The following SLF2 variants were observed in gnomAD, a reference collection of about 807,000 sequenced individuals.
SLF2 encodes SMC5-SMC6 complex localization factor protein 2.
In SLF2, 68 loss-of-function variants were observed where a neutral mutation model predicts 124.3. The observed-to-expected ratio is 0.55, with a 90% CI of 0.45 to 0.67. The LOEUF (loss-of-function observed/expected upper bound fraction) is 0.67. SLF2 is among the 30% of genes least tolerant of loss of function. The pLI, the probability that SLF2 is intolerant of heterozygous loss-of-function variation, is 0.00. For synonymous variants in SLF2, 480 were observed against 478.8 expected, an observed-to-expected ratio of 1.00 and a Z score of -0.03; for missense variants, 1,246 against 1,373.7, an observed-to-expected ratio of 0.91 and a Z score of 1.47.
chr10:100,942,844 G>A (rs1850008266), intron 11 of SLF2, among the ~76,000 whole-genome samples: 2 of 152,164 alleles, frequency 1.3e-5, no homozygotes, highest in African/African-American at 4.8e-5. Context: ...GCCCAGGCTA[G>A]TCTTGATCTC....
Position 100,913,036 on chromosome 10 carries a change from C to T in SLF2, c.-75C>T. On this transcript the variant is annotated 5_prime_UTR_variant, in exon 1 of 20. Transcript: ENST00000238961. ...CTCTGCTCCGACAGCCTCCCGGAGT[C>T]CCAGCAGCAAGACGGCAACCACGCA... 3 of 1,538,408 alleles carry T rather than the reference C, an allele frequency of 2.0e-6. No individual in the cohort carries two copies. The highest frequency in any genetic ancestry group is 2.7e-6 in the Non-Finnish European group (3 of 1,129,596).
At position 100,917,118 on chromosome 10, in the gene SLF2, A is replaced by G; in HGVS notation, c.733A>G (p.Arg245Gly). The change falls in exon 3 of 20, where the codon AGA becomes GGA. Residue 245 changes from arginine to glycine, a missense_variant. By Grantham distance (125) the Arg-to-Gly change is moderately radical. Coordinates refer to ENST00000238961, the MANE Select transcript of SLF2 (RefSeq NM_018121.4). ...CCAGTTGTCACTAGCTTCTTACTGCAGAGAACGAGAACTAAAGAGGTTGAG... is the reference window on the plus strand; with the variant it reads ...CCAGTTGTCACTAGCTTCTTACTGCGGAGAACGAGAACTAAAGAGGTTGAG... ...KFQLSLASYCRERELKRLRKE... is the reference protein window; with the variant it reads ...KFQLSLASYCGERELKRLRKE... The G allele has an allele frequency of 6.2e-7, 1 of 1,614,240 alleles. No homozygotes were observed. The highest frequency in any genetic ancestry group is 8.5e-7 in the Non-Finnish European group (1 of 1,180,040).
intron 5 of SLF2, among the ~76,000 whole-genome samples, chr10:100,925,465 C>T (rs954817626): frequency 6.6e-6 from 1 of 152,114 alleles, no homozygotes; most frequent in Non-Finnish European, 1.5e-5. Flanking sequence ...CTTTGGAGAC[C>T]ACATCTGTAA....
intron 17 of SLF2, among the ~76,000 whole-genome samples, chr10:100,951,443 T>G (rs1850212268): frequency 6.6e-6 from 1 of 152,180 alleles, no homozygotes; most frequent in Non-Finnish European, 1.5e-5. Context: ...ACAGGAGAAC[T>G]GCTACCATCT....
intron 9 of SLF2, 53 bp from the exon 10 acceptor site, chr10:100,937,349 A>G (rs1849884398): frequency 2.2e-6 from 3 of 1,365,088 alleles, no homozygotes; most frequent in Admixed American, 1.7e-5. Context: ...CAAATAATGA[A>G]TGTTTGTGTT....
At chr10:100,940,582 G>T (rs1445357735) in intron 11 of SLF2, among the ~76,000 whole-genome samples, 1 of 150,632 alleles carries the variant, frequency 6.6e-6, no homozygotes, top group African/African-American at 2.4e-5. Flanking sequence ...GGCTGGTCTC[G>T]AACCCCTGAG....
chr10:100,922,418 A>C (rs1000337335), intron 4 of SLF2, among the ~76,000 whole-genome samples: 3 of 152,186 alleles, frequency 2.0e-5, no homozygotes, highest in Non-Finnish European at 4.4e-5. Context: ...TACTTTTCGC[A>C]GAGGCAGGGT....
Position 100,917,020 on chromosome 10 carries a change from G to T in SLF2, c.635G>T (p.Ser212Ile). The T allele has an allele frequency of 6.2e-7, 1 of 1,614,152 alleles. No individual in the cohort carries two copies. The highest frequency in any genetic ancestry group is 1.1e-5 in the South Asian group (1 of 91,082). Residue 212 changes from serine to isoleucine, a missense_variant, in exon 3 of 20, where the codon AGC becomes ATC. Physicochemically the swap from Ser to Ile is moderately radical, Grantham distance 142. Coordinates refer to ENST00000238961, the MANE Select transcript of SLF2 (RefSeq NM_018121.4). ...TVAEADIFNNSSRSLSSRSSL... is the reference protein window; with the variant it reads ...TVAEADIFNNISRSLSSRSSL... Reference sequence around the variant, plus strand: ...GCAGAAGCTGACATCTTCAATAACAGCTCCAGAAGCCTTAGCAGCAGGAGC... The same window carrying T: ...GCAGAAGCTGACATCTTCAATAACATCTCCAGAAGCCTTAGCAGCAGGAGC...
intron 11 of SLF2, among the ~76,000 whole-genome samples, chr10:100,942,768 C>G (rs1203647235): frequency 6.6e-6 from 1 of 152,208 alleles, no homozygotes; most frequent in African/African-American, 2.4e-5. Flanking sequence ...ATCTGCCTGC[C>G]TCAGCCTCCC....
At chr10:100,931,223 A>G in intron 9 of SLF2, 145 bp downstream of exon 9, 3 of 648,410 alleles carry the variant, frequency 4.6e-6, no homozygotes, top group East Asian at 2.7e-5. Context: ...TGTAGCAAAA[A>G]GAGTCAATAT....
intron 9 of SLF2, among the ~76,000 whole-genome samples, chr10:100,932,685 A>T (rs1849761529): frequency 1.4e-5 from 2 of 145,878 alleles, no homozygotes; most frequent in Admixed American, 1.4e-4. Context: ...AGAGGAGACA[A>T]ACAATAAGTG....
chr10:100,945,628 G>A, intron 13 of SLF2, 122 bp downstream of exon 13: 1 of 749,020 alleles, frequency 1.3e-6, no homozygotes, highest in African/African-American at 1.9e-5. Context: ...AATGAACTGA[G>A]GAAGGGAATG....
At chr10:100,945,590 C>G (rs1850089612) in intron 13 of SLF2, 84 bp downstream of exon 13, 2 of 1,032,418 alleles carry the variant, frequency 1.9e-6, no homozygotes, top group Non-Finnish European at 2.6e-6. Flanking sequence ...AATACTGTTT[C>G]TAAACTCAAG....
intron 13 of SLF2, among the ~76,000 whole-genome samples, chr10:100,946,400 C>T (rs1850104301): frequency 6.7e-6 from 1 of 149,422 alleles, no homozygotes; most frequent in Non-Finnish European, 1.5e-5. Flanking sequence ...AGTCTTGTCT[C>T]AGTGCAGCCT....
At chr10:100,950,039 T>C (rs1405417564) in intron 15 of SLF2, 37 bp from the exon 16 acceptor site, 1 of 1,519,068 alleles carries the variant, frequency 6.6e-7, no homozygotes, top group African/African-American at 1.4e-5. Context: ...AACTATATTA[T>C]TTAGCTTTGT....
intron 18 of SLF2, among the ~76,000 whole-genome samples, chr10:100,957,455 ATTC>A (rs1850354535): frequency 6.9e-6 from 1 of 144,480 alleles, no homozygotes; most frequent in Non-Finnish European, 1.5e-5. Context: ...GGTTCAAGCG[ATTC>A]TCCTGCCTCA....
chr10:100,956,554 T>C lies in SLF2; in HGVS notation c.3417+17T>C, dbSNP rs769400625. 6.6e-7 allele frequency: 1 copy of C among 1,525,332 alleles called. No homozygotes were observed. The highest frequency in any genetic ancestry group is 1.2e-5 in the South Asian group (1 of 83,204). 94.5% of individuals were successfully genotyped at this position (1,525,332 alleles called of 1,614,324 possible). A position where few individuals can be genotyped will look rare whatever the true frequency, so the allele number is the denominator to read the frequency against. ...AGAACTAAGGTAAGTGTGTTCTTTCTTTTTTTCTTTTTTTTTTTCTTAATC... is the reference window on the plus strand; with the variant it reads ...AGAACTAAGGTAAGTGTGTTCTTTCCTTTTTTCTTTTTTTTTTTCTTAATC... On this transcript the variant is annotated intron_variant, in intron 18 of 19. Coordinates refer to ENST00000238961, the MANE Select transcript of SLF2 (RefSeq NM_018121.4).
At chr10:100,944,234 G>T (rs186081634) in intron 12 of SLF2, 106 bp downstream of exon 12, 49 of 638,640 alleles carry the variant, frequency 7.7e-5, no homozygotes, top group Non-Finnish European at 1.1e-4. Context: ...GGTGGCTCAC[G>T]CCTGTAATCC....
At chr10:100,932,514 G>T (rs1208557782) in intron 9 of SLF2, among the ~76,000 whole-genome samples, 2 of 152,142 alleles carry the variant, frequency 1.3e-5, no homozygotes, top group African/African-American at 4.8e-5. Context: ...AGCATTTCAA[G>T]AAATCTCGTA....
Sources: allele counts gnomAD v4.1 joint callset (sites outside exome capture counted in the v4.1 genomes callset), GRCh38; gene constraint gnomAD v4.1.1; transcripts MANE v1.5; gene names NCBI Gene and HGNC (gene_info 2026-07-23, HGNC 2026-07-21).